Variants in TFCP2L1 observed in about 807,000 individuals in gnomAD.
TFCP2L1 encodes the protein transcription factor CP2 like 1, also known as transcription factor CP2-like protein 1.
TFCP2L1 carries 12 observed loss-of-function variants against 72.2 expected under a neutral mutation model. That is an observed-to-expected ratio of 0.17 (90% CI 0.11 to 0.27). The LOEUF (loss-of-function observed/expected upper bound fraction) is 0.27. TFCP2L1 is among the 10% of genes least tolerant of loss of function. The pLI is 1.00. For missense variants in TFCP2L1, 488 were observed against 624.6 expected, an observed-to-expected ratio of 0.78 and a Z score of 2.33; for synonymous variants, 260 against 251.0, an observed-to-expected ratio of 1.04 and a Z score of -0.34.
intron 2 of TFCP2L1, among the ~76,000 whole-genome samples, chr2:121,268,549 A>G (rs1686979958): frequency 6.6e-6 from 1 of 152,074 alleles, no homozygotes; most frequent in Non-Finnish European, 1.5e-5. Flanking sequence ...TGGCCAAAAT[A>G]AAGTATCCCT....
intron 2 of TFCP2L1, among the ~76,000 whole-genome samples, chr2:121,257,726 G>A (rs1190315030): frequency 3.9e-5 from 6 of 152,156 alleles, no homozygotes; most frequent in African/African-American, 1.2e-4. Context: ...GCCAGGAAGC[G>A]GTCACACACC....
At chr2:121,243,226 C>T (rs1033326804) in intron 6 of TFCP2L1, among the ~76,000 whole-genome samples, 4 of 152,198 alleles carry the variant, frequency 2.6e-5, no homozygotes, top group Non-Finnish European at 1.5e-5. Context: ...GTAAAGACTC[C>T]GAGCAGCGCT....
chr2:121,222,896 T>C lies in TFCP2L1; in HGVS notation c.*1445A>G, dbSNP rs1349477911. The stretch of plus-strand genomic sequence containing the variant: ...TGTTCTGTAGGAATGCCACGGCTAT[T>C]ACCCAACATAATGACTAACAGAGCC... On this transcript the variant is annotated 3_prime_UTR_variant, in exon 15 of 15. Coordinates refer to ENST00000263707, the MANE Select transcript of TFCP2L1 (RefSeq NM_014553.3). 1 of 152,218 alleles carries C rather than the reference T, an allele frequency of 6.6e-6. No homozygotes were observed. Among genetic ancestry groups the C allele is most frequent in the African/African-American group, 2.4e-5 (1 of 41,462 alleles). 9.4% of individuals were successfully genotyped at this position (152,218 alleles called of 1,614,324 possible).
chr2:121,227,538 G>A (rs548271287), intron 13 of TFCP2L1, among the ~76,000 whole-genome samples: 13 of 152,064 alleles, frequency 8.5e-5, no homozygotes, highest in South Asian at 4.2e-4. Context: ...AAAATTAGCC[G>A]GGCACGGTGG....
intron 2 of TFCP2L1, among the ~76,000 whole-genome samples, chr2:121,277,270 A>G (rs1037260444): frequency 1.3e-5 from 2 of 152,198 alleles, no homozygotes; most frequent in African/African-American, 4.8e-5. Context: ...GAAGCTGAGG[A>G]GGGAGGATCA....
intron 2 of TFCP2L1, among the ~76,000 whole-genome samples, chr2:121,280,414 G>A (rs1487405935): frequency 6.6e-6 from 1 of 152,150 alleles, no homozygotes; most frequent in African/African-American, 2.4e-5. Context: ...CTGGGATGCT[G>A]ACGGTACTCA....
At chr2:121,276,441 T>C (rs980649747) in intron 2 of TFCP2L1, among the ~76,000 whole-genome samples, 2 of 151,942 alleles carry the variant, frequency 1.3e-5, no homozygotes, top group Non-Finnish European at 2.9e-5. Context: ...AAGAGCAGCT[T>C]GGGAAACATG....
intron 2 of TFCP2L1, among the ~76,000 whole-genome samples, chr2:121,258,553 C>T (rs763033611): frequency 5.3e-4 from 81 of 152,258 alleles, no homozygotes; most frequent in African/African-American, 1.8e-3. Context: ...CCACTGAGGA[C>T]GCTGCATCAC....
chr2:121,227,961 A>G (rs901825597), intron 13 of TFCP2L1, among the ~76,000 whole-genome samples: 2 of 152,218 alleles, frequency 1.3e-5, no homozygotes, highest in African/African-American at 4.8e-5. Context: ...CCACTTGGGC[A>G]TGCGAAGCCC....
chr2:121,225,006 C>T (rs908782074), intron 14 of TFCP2L1, among the ~76,000 whole-genome samples: 2 of 150,978 alleles, frequency 1.3e-5, no homozygotes, highest in Non-Finnish European at 3.0e-5. Context: ...AAAAGACACT[C>T]GGTGGCTAGA....
intron 1 of TFCP2L1, 128 bp from the exon 2 acceptor site, chr2:121,281,399 T>G: frequency 9.6e-7 from 1 of 1,046,744 alleles, no homozygotes; most frequent in Non-Finnish European, 1.4e-6. Flanking sequence ...CATCGCAGGG[T>G]GCTGGCTGCA....
chr2:121,246,994 G>A, intron 5 of TFCP2L1, 24 bp from the exon 6 acceptor site: 1 of 1,613,648 alleles, frequency 6.2e-7, no homozygotes, highest in Non-Finnish European at 8.5e-7. Context: ...CGTTGGGCAG[G>A]TGGCAAGGAG....
intron 2 of TFCP2L1, among the ~76,000 whole-genome samples, chr2:121,253,575 G>C (rs1175546218): frequency 1.3e-5 from 2 of 152,120 alleles, no homozygotes; most frequent in Admixed American, 1.3e-4. Flanking sequence ...GTGAGTTTAC[G>C]GGTGCCACAG....
chr2:121,250,345 G>GC (rs1558736544), intron 2 of TFCP2L1, among the ~76,000 whole-genome samples: 6 of 125,854 alleles, frequency 4.8e-5, no homozygotes, highest in Non-Finnish European at 6.7e-5. Flanking sequence ...CCAGAAGACT[G>GC]TTATATATAT....
In TFCP2L1 at chr2:121,225,430, CG is replaced by C. The variant is rs1686008802; in HGVS notation, c.1393+131del. On this transcript the variant is annotated intron_variant, in intron 14 of 14. Transcript: ENST00000263707. ...CTGCCATTTCTAGGGCTAGCTTTCA[CG>C]GAGAGTTTGTGCTTTCTTTTTCTCA... is the stretch of plus-strand genomic sequence containing the variant. The C allele has an allele frequency of 7.0e-6, 6 of 859,470 alleles. No individual in the cohort carries two copies. The South Asian group carries it at 9.1e-5, about 13-fold the overall frequency. 53.2% of individuals were successfully genotyped at this position (859,470 alleles called of 1,614,324 possible). A position where few individuals can be genotyped will look rare whatever the true frequency, so the allele number is the denominator to read the frequency against.
chr2:121,276,430 C>G (rs564649640), intron 2 of TFCP2L1, among the ~76,000 whole-genome samples: 186 of 152,034 alleles, frequency 1.2e-3, no homozygotes, highest in African/African-American at 4.4e-3. Flanking sequence ...CCCAGGAGTT[C>G]AAGAGCAGCT....
chr2:121,245,791 C>T (rs1410264499), intron 6 of TFCP2L1, among the ~76,000 whole-genome samples: 1 of 152,176 alleles, frequency 6.6e-6, no homozygotes, highest in Non-Finnish European at 1.5e-5. Flanking sequence ...GTTTATGGTT[C>T]TACCTGTGGG....
At chr2:121,248,890 T>A in intron 4 of TFCP2L1, 92 bp downstream of exon 4, 1 of 1,051,002 alleles carries the variant, frequency 9.5e-7, no homozygotes, top group Non-Finnish European at 1.3e-6. Context: ...TAAAACGCCT[T>A]CTCGGCATAG....
chr2:121,242,978 G>A (rs897260698), intron 6 of TFCP2L1, among the ~76,000 whole-genome samples: 2 of 152,178 alleles, frequency 1.3e-5, no homozygotes, highest in Non-Finnish European at 2.9e-5. Context: ...GCAAACCGGG[G>A]CAACTTTCAA....
Sources: gnomAD v4.1 joint callset for allele counts (sites outside exome capture counted in the v4.1 genomes callset) on GRCh38, gnomAD v4.1.1 for gene constraint, MANE v1.5 for transcripts, NCBI Gene and HGNC (gene_info 2026-07-23, HGNC 2026-07-21) for gene names.